Variants in LARGE1 observed in about 807,000 individuals in gnomAD.
LARGE1 encodes the protein xylosyl- and glucuronyltransferase LARGE1.
A neutral mutation model predicts 87.6 loss-of-function variants in LARGE1; 43 were observed. The observed-to-expected ratio is 0.49, with a 90% CI of 0.38 to 0.63. The LOEUF (loss-of-function observed/expected upper bound fraction) is 0.63. LARGE1 is among the 30% of genes least tolerant of loss of function. The pLI is 0.00. For missense variants in LARGE1, 802 were observed against 1,000.2 expected, an observed-to-expected ratio of 0.80 and a Z score of 2.67; for synonymous variants, 434 against 394.6, an observed-to-expected ratio of 1.10 and a Z score of -1.18.
rs866171639 is a variant in LARGE1 at position 33,782,968 on chromosome 22, C to T, written c.-82-21410G>A. Among the ~76,000 whole-genome samples, 5 of 151,708 alleles carry T rather than the reference C, an allele frequency of 3.3e-5. No homozygotes were observed. In the South Asian group the frequency reaches 1.0e-3, roughly 32 times the overall value. On this transcript the variant is annotated intron_variant, in intron 1 of 14. Coordinates refer to ENST00000397394, the MANE Select transcript of LARGE1 (RefSeq NM_133642.5). ...TATTTTTCCTGAGAAATTTCCAGAC[C>T]GTAGCGTGTCAGGCCATACACTACA...
At chr22:33,561,077 G>T (rs1428601311) in intron 6 of LARGE1, among the ~76,000 whole-genome samples, 1 of 152,220 alleles carries the variant, frequency 6.6e-6, no homozygotes, top group African/African-American at 2.4e-5. Context: ...GCCTCCCAAA[G>T]TGCTGGGATT....
At chr22:33,158,551 A>G (rs1480808302), downstream of LARGE1, among the ~76,000 whole-genome samples, 2 of 152,170 alleles carry the variant, frequency 1.3e-5, no homozygotes, top group Non-Finnish European at 2.9e-5. Context: ...AAATGACCAG[A>G]AGCATATTTA....
In LARGE1 at chr22:33,837,257, TACACACAC is replaced by T. The variant is rs3072340; in HGVS notation, c.-82-75707_-82-75700del. 2.5e-4 allele frequency among the ~76,000 whole-genome samples: 38 copies of T among 149,756 alleles called. 1 individual carries two copies. The highest frequency in any genetic ancestry group is 3.9e-4 in the Non-Finnish European group (26 of 67,432). ...TATATGGAGTAGAGAGTATTACATA[TACACACAC>T]ACACACACACACACACCTATACATA... On this transcript the variant is annotated intron_variant, in intron 1 of 14. Transcript: ENST00000397394.
At chr22:33,598,561 C>T (rs2079037618) in intron 5 of LARGE1, among the ~76,000 whole-genome samples, 1 of 148,986 alleles carries the variant, frequency 6.7e-6, no homozygotes, top group African/African-American at 2.5e-5. Flanking sequence ...GTGTGATGTT[C>T]CCTTCCCTGT....
At chr22:33,790,892 TC>T (rs2085800781) in intron 1 of LARGE1, among the ~76,000 whole-genome samples, 1 of 152,254 alleles carries the variant, frequency 6.6e-6, no homozygotes, top group African/African-American at 2.4e-5. Context: ...TTAGATAACT[TC>T]AGAAGTTTCA....
intron 6 of LARGE1, among the ~76,000 whole-genome samples, chr22:33,515,287 T>C (rs1165056107): frequency 6.6e-6 from 1 of 152,152 alleles, no homozygotes; most frequent in Non-Finnish European, 1.5e-5. Context: ...ACTCCTTCTT[T>C]TACAGCATTG....
intron 10 of LARGE1, among the ~76,000 whole-genome samples, chr22:33,316,846 T>C (rs879786206): frequency 6.6e-6 from 1 of 152,146 alleles, no homozygotes; most frequent in Non-Finnish European, 1.5e-5. Context: ...GAAAAACATA[T>C]AACCAACCAT....
At chr22:33,507,410 A>T (rs948716903) in intron 6 of LARGE1, among the ~76,000 whole-genome samples, 5 of 152,146 alleles carry the variant, frequency 3.3e-5, no homozygotes, top group African/African-American at 9.7e-5. Flanking sequence ...AAACTTGAAG[A>T]TATCATGCTA....
At chr22:33,134,553 G>A in the LARGE1 span, among the ~76,000 whole-genome samples, 2 of 152,218 alleles carry the variant, frequency 1.3e-5, no homozygotes, top group Non-Finnish European at 1.5e-5. Flanking sequence ...CACAGCGCCC[G>A]GCCAAGAACT....
chr22:33,576,056 G>A (rs1043425815), intron 5 of LARGE1, among the ~76,000 whole-genome samples: 3 of 152,162 alleles, frequency 2.0e-5, no homozygotes, highest in Admixed American at 2.0e-4. Context: ...TTCACTAATA[G>A]ATTTTTCAAT....
intron 12 of LARGE1, among the ~76,000 whole-genome samples, chr22:33,285,003 A>G (rs1325563330): frequency 6.6e-6 from 1 of 152,208 alleles, no homozygotes; most frequent in Non-Finnish European, 1.5e-5. Flanking sequence ...AATGATGGCA[A>G]TAACATCTAC....
chr22:33,635,212 A>C (rs2080235127), intron 3 of LARGE1, among the ~76,000 whole-genome samples: 1 of 152,028 alleles, frequency 6.6e-6, no homozygotes, highest in Non-Finnish European at 1.5e-5. Flanking sequence ...CATTCCCTGG[A>C]ATGCAGACCG....
At chr22:33,168,455 C>T (rs1046895250) in intron 11 of LARGE1, among the ~76,000 whole-genome samples, 7 of 152,118 alleles carry the variant, frequency 4.6e-5, no homozygotes, top group African/African-American at 1.7e-4. Flanking sequence ...ATTTTCAGTA[C>T]CAGAAGTCAA....
chr22:33,116,615 G>A, the LARGE1 span, among the ~76,000 whole-genome samples: 830 of 151,838 alleles, frequency 5.5e-3, 7 homozygotes, highest in African/African-American at 0.019. Context: ...CGCCCGCCTC[G>A]GCCTCCCAAA....
chr22:33,483,951 G>A (rs946018153), intron 6 of LARGE1, among the ~76,000 whole-genome samples: 4 of 152,170 alleles, frequency 2.6e-5, no homozygotes, highest in African/African-American at 9.7e-5. Flanking sequence ...GGTGAGATGC[G>A]TGACCTTGAC....
intron 6 of LARGE1, among the ~76,000 whole-genome samples, chr22:33,456,282 T>TA (rs1361636712): frequency 6.6e-6 from 1 of 152,174 alleles, no homozygotes; most frequent in Non-Finnish European, 1.5e-5. Flanking sequence ...ACTGAAGACT[T>TA]AGACACAATC....
At chr22:33,579,940 T>C (rs2078465485) in intron 5 of LARGE1, among the ~76,000 whole-genome samples, 1 of 152,330 alleles carries the variant, frequency 6.6e-6, no homozygotes, top group Admixed American at 6.5e-5. Context: ...ATAGTATACA[T>C]ATTTTTTAAT....
chr22:33,268,179 C>T (rs185514453), downstream of LARGE1, among the ~76,000 whole-genome samples: 502 of 151,458 alleles, frequency 3.3e-3, 17 homozygotes, highest in African/African-American at 0.012. Flanking sequence ...GTCTGGAACA[C>T]CTGGCCTCAA....
chr22:33,858,191 C>T lies in LARGE1; in HGVS notation c.-83+61804G>A, dbSNP rs148150138. 5.3e-5 allele frequency among the ~76,000 whole-genome samples: 8 copies of T among 152,302 alleles called. No homozygotes were observed. The East Asian group carries it at 7.7e-4, about 15-fold the overall frequency. Reference sequence around the variant, plus strand: ...CAGGAACAACGGCAAGCCTTTAGCCCGATCGGGAGCGGCAATGGGCACCTT... The same window carrying T: ...CAGGAACAACGGCAAGCCTTTAGCCTGATCGGGAGCGGCAATGGGCACCTT... On this transcript the variant is annotated intron_variant, in intron 1 of 14. Coordinates refer to ENST00000397394, the MANE Select transcript of LARGE1 (RefSeq NM_133642.5).
Sources: allele counts gnomAD v4.1 joint callset (sites outside exome capture counted in the v4.1 genomes callset), GRCh38; gene constraint gnomAD v4.1.1; transcripts MANE v1.5; gene names NCBI Gene and HGNC (gene_info 2026-07-23, HGNC 2026-07-21).